SPMAP2L: variants seen among roughly 807,000 people sequenced by gnomAD.
SPMAP2L encodes the protein sperm microtubule associated protein 2 like.
At chr4:56,622,118 T>C in the SPMAP2L span, among the ~76,000 whole-genome samples, 1 of 152,178 alleles carries the variant, frequency 6.6e-6, no homozygotes, top group African/African-American at 2.4e-5. Context: ...AATTCTATAT[T>C]TTTTGCTAAA....
At chr4:56,562,403 G>C in the SPMAP2L span, among the ~76,000 whole-genome samples, 3 of 149,658 alleles carry the variant, frequency 2.0e-5, no homozygotes, top group African/African-American at 7.3e-5. Flanking sequence ...GTTTATATGT[G>C]GTTTCTTTCT....
chr4:56,584,714 C>T, the SPMAP2L span: 1 of 815,732 alleles, frequency 1.2e-6, no homozygotes, highest in Non-Finnish European at 1.9e-6. Flanking sequence ...TTATTTTTCC[C>T]TCTTATCAAA....
chr4:56,537,406 T>G, the SPMAP2L span, among the ~76,000 whole-genome samples: 1 of 152,222 alleles, frequency 6.6e-6, no homozygotes, highest in African/African-American at 2.4e-5. Flanking sequence ...ACATCTCCAT[T>G]TGCATGTATC....
chr4:56,567,442 G>GTTTT, the SPMAP2L span, among the ~76,000 whole-genome samples: 1 of 65,578 alleles, frequency 1.5e-5, no homozygotes, highest in African/African-American at 6.1e-5. Context: ...AATTTTGGTG[G>GTTTT]TTTTTTTTTT....
At chr4:56,560,815 G>T in the SPMAP2L span, among the ~76,000 whole-genome samples, 1 of 152,036 alleles carries the variant, frequency 6.6e-6, no homozygotes, top group Non-Finnish European at 1.5e-5. Flanking sequence ...GCCTGATCTC[G>T]GCTTACTGCA....
At chr4:56,586,777 A>C in the SPMAP2L span, among the ~76,000 whole-genome samples, 1 of 152,186 alleles carries the variant, frequency 6.6e-6, no homozygotes, top group Admixed American at 6.5e-5. Context: ...GCTTGGCCTT[A>C]GAAGTCACAT....
the SPMAP2L span, among the ~76,000 whole-genome samples, chr4:56,588,398 G>C: frequency 6.6e-6 from 1 of 150,762 alleles, no homozygotes; most frequent in East Asian, 1.9e-4. Context: ...CTAAGTCAAT[G>C]TCTAGAAGGG....
the SPMAP2L span, among the ~76,000 whole-genome samples, chr4:56,615,462 G>A: frequency 6.6e-6 from 1 of 152,104 alleles, no homozygotes; most frequent in African/African-American, 2.4e-5. Context: ...AAATACTTAA[G>A]TTGGCTGGGC....
At chr4:56,595,363 C>A in the SPMAP2L span, 1 of 1,605,236 alleles carries the variant, frequency 6.2e-7, no homozygotes. Flanking sequence ...GGCAGGGACC[C>A]TCATGGTTGA....
chr4:56,576,656 G>A, the SPMAP2L span, among the ~76,000 whole-genome samples: 2 of 152,172 alleles, frequency 1.3e-5, no homozygotes, highest in African/African-American at 2.4e-5. Context: ...TTGCATCATA[G>A]AATACTGCGA....
chr4:56,558,099 G>T, the SPMAP2L span, among the ~76,000 whole-genome samples: 1 of 152,148 alleles, frequency 6.6e-6, no homozygotes, highest in African/African-American at 2.4e-5. Flanking sequence ...CTCCCAAGTA[G>T]CTGGGATTAC....
At chr4:56,584,884 G>T in the SPMAP2L span, among the ~76,000 whole-genome samples, 4 of 152,306 alleles carry the variant, frequency 2.6e-5, no homozygotes, top group East Asian at 5.8e-4. Flanking sequence ...AGGCTGTTAT[G>T]GCAGCTGGGA....
chr4:56,598,954 C>T, the SPMAP2L span, among the ~76,000 whole-genome samples: 1 of 152,054 alleles, frequency 6.6e-6, no homozygotes, highest in Non-Finnish European at 1.5e-5. Context: ...CTTCCCCCTT[C>T]GCTGGGCTCT....
At chr4:56,540,962 T>C in the SPMAP2L span, among the ~76,000 whole-genome samples, 3 of 152,328 alleles carry the variant, frequency 2.0e-5, no homozygotes, top group African/African-American at 7.2e-5. Flanking sequence ...GGGATTTCAA[T>C]TGGAGCATAC....
At chr4:56,572,530 G>A in the SPMAP2L span, among the ~76,000 whole-genome samples, 4 of 152,076 alleles carry the variant, frequency 2.6e-5, no homozygotes, top group Non-Finnish European at 2.9e-5. Context: ...TGCTCAATAC[G>A]TATTTTTTGA....
the SPMAP2L span, among the ~76,000 whole-genome samples, chr4:56,581,369 T>G: frequency 6.6e-6 from 1 of 151,924 alleles, no homozygotes; most frequent in Admixed American, 6.6e-5. Context: ...GCAGGAGAAT[T>G]GCTTGAACCT....
the SPMAP2L span, among the ~76,000 whole-genome samples, chr4:56,557,119 C>A: frequency 1.3e-3 from 199 of 151,784 alleles, no homozygotes; most frequent in African/African-American, 4.7e-3. Flanking sequence ...CATGGTGGCA[C>A]GTGCCTGTAG....
chr4:56,546,357 T>C, the SPMAP2L span, among the ~76,000 whole-genome samples: 103 of 152,278 alleles, frequency 6.8e-4, no homozygotes, highest in African/African-American at 2.2e-3. Flanking sequence ...GAGCCAGTGG[T>C]CTCAGCCATT....
the SPMAP2L span, among the ~76,000 whole-genome samples, chr4:56,577,345 A>T: frequency 6.6e-6 from 1 of 152,170 alleles, no homozygotes; most frequent in African/African-American, 2.4e-5. Context: ...AATAGGCACA[A>T]ATAGACTGAA....
Sources: allele counts gnomAD v4.1 joint callset (sites outside exome capture counted in the v4.1 genomes callset), GRCh38; gene constraint gnomAD v4.1.1; transcripts MANE v1.5; gene names NCBI Gene and HGNC (gene_info 2026-07-23, HGNC 2026-07-21).